Variants in SCAPER observed in about 807,000 individuals in gnomAD.
The protein encoded by SCAPER is S phase cyclin A-associated protein in the endoplasmic reticulum.
In SCAPER, 98 loss-of-function variants were observed where a neutral mutation model predicts 182.2. The observed-to-expected ratio is 0.54, with a 90% CI of 0.46 to 0.64. SCAPER has a LOEUF of 0.64. Ranked by LOEUF, SCAPER falls within the 30% of genes least tolerant of loss-of-function variation. The probability of loss-of-function intolerance (pLI) is 0.00; values close to 1 mark genes in which losing one functional copy is unlikely to be tolerated. For synonymous variants in SCAPER, 605 were observed against 564.6 expected (o/e 1.07, Z -1.01); for missense variants, 1,432 against 1,690.0 (o/e 0.85, Z 2.68).
intron 20 of SCAPER, 51 bp from the exon 21 acceptor site, chr15:76,665,840 TA>T (rs1248589978): frequency 2.2e-6 from 3 of 1,393,328 alleles, no homozygotes; most frequent in Non-Finnish European, 2.9e-6. Flanking sequence ...CATTTAAATA[TA>T]ATATAGGATT....
intron 23 of SCAPER, among the ~76,000 whole-genome samples, chr15:76,559,201 A>ATTATTATTTTTTTTTTTT (rs1567453828): frequency 8.2e-6 from 1 of 121,826 alleles, no homozygotes; most frequent in Non-Finnish European, 1.6e-5. Context: ...CACCCAGCTA[A>ATTATTATTTTTTTTTTTT]TTTTTTTTTT....
At chr15:76,876,088 T>C (rs901643507) in intron 2 of SCAPER, among the ~76,000 whole-genome samples, 1 of 152,120 alleles carries the variant, frequency 6.6e-6, no homozygotes, top group Non-Finnish European at 1.5e-5. Context: ...AGCCCCTCAC[T>C]GCCCGGGGCC....
At chr15:76,460,355 C>T (rs2049070749) in intron 25 of SCAPER, among the ~76,000 whole-genome samples, 3 of 152,024 alleles carry the variant, frequency 2.0e-5, no homozygotes, top group Non-Finnish European at 2.9e-5. Flanking sequence ...AATTTTTCAG[C>T]TATTTCATCA....
At chr15:76,482,532 A>G (rs1596924213) in intron 24 of SCAPER, among the ~76,000 whole-genome samples, 2 of 152,166 alleles carry the variant, frequency 1.3e-5, no homozygotes, top group East Asian at 1.9e-4. Context: ...GAAATACAAG[A>G]TACATAGATT....
chr15:76,713,536 A>T (rs1454039614), intron 17 of SCAPER, among the ~76,000 whole-genome samples: 1 of 152,022 alleles, frequency 6.6e-6, no homozygotes, highest in Non-Finnish European at 1.5e-5. Context: ...AGGACAAAAA[A>T]CCAAACACCG....
At chr15:76,377,664 T>G (rs578062114) in intron 28 of SCAPER, among the ~76,000 whole-genome samples, 1 of 152,262 alleles carries the variant, frequency 6.6e-6, no homozygotes, top group African/African-American at 2.4e-5. Flanking sequence ...GAATTCAGAG[T>G]GAAATCAGAC....
chr15:76,862,662 G>A, intron 2 of SCAPER, 129 bp from the exon 3 acceptor site: 1 of 512,328 alleles, frequency 2.0e-6, no homozygotes, highest in Non-Finnish European at 3.3e-6. Context: ...GTGGTGGGTG[G>A]TTAAACAGAG....
chr15:76,362,282 T>C (rs2041481698), intron 29 of SCAPER, among the ~76,000 whole-genome samples: 1 of 152,028 alleles, frequency 6.6e-6, no homozygotes, highest in Non-Finnish European at 1.5e-5. Context: ...CCACATATTG[T>C]TTTTTAAAGG....
chr15:76,382,437 G>C (rs2043013133), intron 27 of SCAPER, among the ~76,000 whole-genome samples: 1 of 150,794 alleles, frequency 6.6e-6, no homozygotes, highest in Non-Finnish European at 1.5e-5. Context: ...TCAATGTGAG[G>C]CTTGAACCCA....
chr15:76,423,421 T>A (rs2046193565), intron 26 of SCAPER, among the ~76,000 whole-genome samples: 1 of 152,250 alleles, frequency 6.6e-6, no homozygotes, highest in South Asian at 2.1e-4. Context: ...GTGTTTATAG[T>A]ATTCTCTGAT....
chr15:76,721,518 G>C (rs1399544801), intron 17 of SCAPER, among the ~76,000 whole-genome samples: 2 of 151,958 alleles, frequency 1.3e-5, no homozygotes, highest in Admixed American at 6.6e-5. Flanking sequence ...ACCTTGGGCA[G>C]TATGGCCATT....
chr15:76,782,901 T>C (rs758261664), intron 8 of SCAPER, among the ~76,000 whole-genome samples: 2 of 152,186 alleles, frequency 1.3e-5, no homozygotes, highest in African/African-American at 2.4e-5. Flanking sequence ...GGGAAAGTTA[T>C]AGCACTAAAT....
intron 1 of SCAPER, among the ~76,000 whole-genome samples, chr15:76,902,346 C>A: frequency 6.6e-6 from 1 of 152,088 alleles, no homozygotes; most frequent in East Asian, 1.9e-4. Flanking sequence ...GATCACTAGG[C>A]CAAGGGGAGC....
intron 8 of SCAPER, among the ~76,000 whole-genome samples, chr15:76,777,686 C>A (rs916785753): frequency 6.6e-6 from 1 of 152,044 alleles, no homozygotes; most frequent in East Asian, 1.9e-4. Flanking sequence ...AAGAGCAAAA[C>A]TCCATCTCAA....
At chr15:76,676,121 G>A (rs778114712) in intron 20 of SCAPER, among the ~76,000 whole-genome samples, 8 of 152,144 alleles carry the variant, frequency 5.3e-5, no homozygotes, top group African/African-American at 1.7e-4. Context: ...CACTGTGCCC[G>A]GCTGAAACTG....
At chr15:76,566,983 C>A (rs2047081352) in intron 23 of SCAPER, among the ~76,000 whole-genome samples, 1 of 152,044 alleles carries the variant, frequency 6.6e-6, no homozygotes, top group Non-Finnish European at 1.5e-5. Context: ...CTATATGACT[C>A]TTTCTGATCA....
At chr15:76,795,974 T>A (rs998242407) in intron 7 of SCAPER, among the ~76,000 whole-genome samples, 1 of 151,850 alleles carries the variant, frequency 6.6e-6, no homozygotes, top group South Asian at 2.1e-4. Context: ...GGCATGAGAA[T>A]TGCTTGAGCC....
intron 5 of SCAPER, among the ~76,000 whole-genome samples, chr15:76,831,657 C>T (rs1598977133): frequency 6.6e-6 from 1 of 152,122 alleles, no homozygotes; most frequent in African/African-American, 2.4e-5. Flanking sequence ...ACCCACAATG[C>T]CCCCGCACCA....
At chr15:76,693,461 G>T (rs545798496) in intron 20 of SCAPER, among the ~76,000 whole-genome samples, 2 of 152,074 alleles carry the variant, frequency 1.3e-5, no homozygotes, top group African/African-American at 4.8e-5. Flanking sequence ...ATCATCATAT[G>T]ATCCAGAAAT....
Sources: allele counts gnomAD v4.1 joint callset (sites outside exome capture counted in the v4.1 genomes callset), GRCh38; gene constraint gnomAD v4.1.1; transcripts MANE v1.5; gene names NCBI Gene and HGNC (gene_info 2026-07-23, HGNC 2026-07-21).